MYBPC2: variants seen among roughly 807,000 people sequenced by gnomAD.
The protein encoded by MYBPC2 is myosin binding protein C2.
A neutral mutation model predicts 137.0 loss-of-function variants in MYBPC2; 122 were observed. That is an observed-to-expected ratio of 0.89 (90% CI 0.77 to 1.03). MYBPC2 has a LOEUF of 1.03. MYBPC2 is among the 50% of genes least tolerant of loss of function. The pLI, the probability that MYBPC2 is intolerant of heterozygous loss-of-function variation, is 0.00. For missense variants in MYBPC2, 1,500 were observed against 1,534.4 expected (o/e 0.98, Z 0.37); for synonymous variants, 626 against 612.3 (o/e 1.02, Z -0.33).
At chr19:50,442,027 C>T (rs1380950775) in intron 8 of MYBPC2, among the ~76,000 whole-genome samples, 154 bp from the exon 9 acceptor site, 1 of 152,136 alleles carries the variant, frequency 6.6e-6, no homozygotes, top group African/African-American at 2.4e-5. Flanking sequence ...CAGAGAAGTT[C>T]TCAAGGATCT....
intron 14 of MYBPC2, 110 bp from the exon 15 acceptor site, chr19:50,451,170 A>T: frequency 7.2e-7 from 1 of 1,385,516 alleles, no homozygotes; most frequent in Non-Finnish European, 1.0e-6. Context: ...CCAGCACCCC[A>T]GTTCCCAGGG....
At position 50,450,879 on chromosome 19, in the gene MYBPC2, A is replaced by T. The variant is rs1347369813; in HGVS notation, c.1523A>T (p.Tyr508Phe). 1.9e-6 allele frequency: 3 copies of T among 1,580,902 alleles called. No homozygotes were observed. Among genetic ancestry groups the T allele is most frequent in the Non-Finnish European group, 2.6e-6 (3 of 1,163,816 alleles). ...GTCCGCCCCGAGGATGAGGGAGACT[A>T]CACGTTTGTGCCTGACGGCTACGCC... ...DDVRPEDEGD[Y>F]TFVPDGYALS... is the part of the protein sequence containing the mutation. The change falls in exon 14 of 28, where the codon TAC becomes TTC. Residue 508 changes from tyrosine (Y) to phenylalanine (F), a missense_variant. By Grantham distance (22) the Tyr-to-Phe change is conservative. Transcript: ENST00000357701.
rs1465155124 is a variant in MYBPC2 at position 50,435,124 on chromosome 19, A to G, written c.20-37A>G. On this transcript the variant is annotated intron_variant, in intron 1 of 27. Transcript: ENST00000357701. This position sits in a 1 kb window ranked among gnomAD's most constrained non-coding sequence, Gnocchi z 4.8. The stretch of plus-strand genomic sequence containing the variant: ...CTGAGGGAGGGGCATGGGTGTGCAG[A>G]CCGCATGCTCAACTATGACTGTCCC... The G allele has an allele frequency of 7.5e-6, 6 of 795,710 alleles. No individual in the cohort carries two copies. The highest frequency in any genetic ancestry group is 1.4e-5 in the South Asian group (1 of 70,070). 49.3% of individuals were successfully genotyped at this position (795,710 alleles called of 1,614,324 possible).
At chr19:50,440,847 C>A in intron 7 of MYBPC2, 33 bp from the exon 8 acceptor site, 1 of 1,588,258 alleles carries the variant, frequency 6.3e-7, no homozygotes, top group Non-Finnish European at 8.6e-7. Context: ...TCCTCACTCC[C>A]TGATGGCCCC....
intron 11 of MYBPC2, 148 bp from the exon 12 acceptor site, chr19:50,445,732 C>A: frequency 1.3e-6 from 1 of 781,358 alleles, no homozygotes; most frequent in Non-Finnish European, 2.0e-6. Context: ...CCGTCCACCA[C>A]TCAAGATGCC....
chr19:50,451,956 A>G lies in MYBPC2; in HGVS notation c.1702A>G (p.Ile568Val), dbSNP rs2039862896. 2 of 1,558,994 alleles carry G rather than the reference A, an allele frequency of 1.3e-6. No individual in the cohort carries two copies. Among genetic ancestry groups the G allele is most frequent in the Non-Finnish European group, 1.7e-6 (2 of 1,150,968 alleles). Reference protein sequence around the residue: ...AGNKLRLDVSITGEPPPVATW... With the variant: ...AGNKLRLDVSVTGEPPPVATW... ...AAACAAGCTGAGGCTTGACGTGTCCATCACAGGGGAGCCCCCTCCCGTCGC... is the reference window on the plus strand; with the variant it reads ...AAACAAGCTGAGGCTTGACGTGTCCGTCACAGGGGAGCCCCCTCCCGTCGC... Residue 568 changes from isoleucine (I) to valine (V), a missense_variant, in exon 16 of 28, where the codon ATC becomes GTC. Physicochemically the swap from Ile to Val is conservative, Grantham distance 29 (BLOSUM62 3). Coordinates refer to ENST00000357701, the MANE Select transcript of MYBPC2 (RefSeq NM_004533.4).
At chr19:50,463,335 A>C (rs2463246) in intron 26 of MYBPC2, among the ~76,000 whole-genome samples, 12,997 of 152,120 alleles carry the variant, frequency 0.085, 1,402 homozygotes, top group African/African-American at 0.25. Flanking sequence ...GCTGTAGGTT[A>C]TTCGCTTCAG....
chr19:50,436,320 G>A (rs569980128), intron 4 of MYBPC2, among the ~76,000 whole-genome samples, 160 bp downstream of exon 4: 10 of 152,324 alleles, frequency 6.6e-5, no homozygotes, highest in African/African-American at 2.4e-4. Flanking sequence ...GCTGGGGAGA[G>A]GTTGTGTGAA....
intron 20 of MYBPC2, among the ~76,000 whole-genome samples, chr19:50,458,077 C>T (rs914735921): frequency 2.0e-4 from 31 of 151,332 alleles, no homozygotes; most frequent in Admixed American, 4.6e-4. Context: ...TTTGGGAGGC[C>T]GAGGTGGGCG....
intron 5 of MYBPC2, 73 bp downstream of exon 5, chr19:50,436,807 T>A: frequency 7.0e-7 from 1 of 1,421,044 alleles, no homozygotes; most frequent in Non-Finnish European, 9.9e-7. Context: ...CAGCCAGGTG[T>A]TGGGAGAGTG....
Position 50,446,056 on chromosome 19 carries a change from T to A in MYBPC2, c.1306+4T>A, listed in dbSNP as rs1327686067. ...GAGGCCGAGCTGATTGTGGAAGGTA[T>A]GGGGCCTCCAGGTAGGGCACGGGCT... is the stretch of plus-strand genomic sequence containing the variant. On this transcript the variant is annotated splice_donor_region_variant and intron_variant, in intron 12 of 27. Transcript: ENST00000357701. The A allele has an allele frequency of 1.9e-6, 3 of 1,611,928 alleles. No individual in the cohort carries two copies. The highest frequency in any genetic ancestry group is 1.3e-5 in the African/African-American group (1 of 74,888).
At chr19:50,458,556 C>A (rs764521561) in intron 20 of MYBPC2, 31 bp from the exon 21 acceptor site, 1 of 1,604,682 alleles carries the variant, frequency 6.2e-7, no homozygotes, top group Non-Finnish European at 8.5e-7. Flanking sequence ...GAGGAGGGCA[C>A]GAGATCCGCC....
At chr19:50,451,422 C>G in intron 15 of MYBPC2, 113 bp downstream of exon 15, 1 of 408,062 alleles carries the variant, frequency 2.5e-6, no homozygotes, top group Non-Finnish European at 3.8e-6. Context: ...GGGCGGGGTG[C>G]GGGAGGATGA....
Position 50,462,015 on chromosome 19 carries a change from T to C in MYBPC2, c.3207T>C (p.Cys1069=), listed in dbSNP as rs25668. The C allele has an allele frequency of 0.69, 1,079,856 of 1,571,318 alleles. 374,617 individuals are homozygous for C. Among genetic ancestry groups the C allele is most frequent in the African/African-American group, 0.92 (68,276 of 73,982 alleles). ...VVAGYSAALN[C]AVRGHPKPKV... ...CTGGGTACTCGGCAGCCCTCAACTG[T>C]GCTGTCAGAGGCCACCCGAAGGTGC... Residue 1069 remains cysteine, a synonymous_variant, in exon 26 of 28, where the codon TGT becomes TGC. Coordinates refer to ENST00000357701, the MANE Select transcript of MYBPC2 (RefSeq NM_004533.4).
In MYBPC2 at chr19:50,436,028, C is replaced by G. The variant is rs373047872; in HGVS notation, c.213C>G (p.Val71=). 6.3e-7 allele frequency: 1 copy of G among 1,581,652 alleles called. No individual in the cohort carries two copies. The highest frequency in any genetic ancestry group is 8.6e-7 in the Non-Finnish European group (1 of 1,163,692). ...VSVETGKDAV[V]VAKVNGKELP... is the part of the protein sequence containing the mutation. ...CCCATGTAGGGAAGGACGCAGTGGT[C>G]GTGGCCAAGGTGAACGGGAAGGAGC... The change falls in exon 4 of 28, where the codon GTC becomes GTG. Residue 71 remains valine (V), a synonymous_variant. Transcript: ENST00000357701.
intron 16 of MYBPC2, among the ~76,000 whole-genome samples, chr19:50,452,618 C>T (rs371703455): frequency 4.6e-5 from 7 of 151,834 alleles, no homozygotes; most frequent in African/African-American, 1.5e-4. Context: ...AGTGCAGTGG[C>T]GTAGTCTTGG....
chr19:50,461,993 G>T lies in MYBPC2; in HGVS notation c.3185G>T (p.Gly1062Val). 1 of 1,574,892 alleles carries T rather than the reference G, an allele frequency of 6.3e-7. No homozygotes were observed. Among genetic ancestry groups the T allele is most frequent in the African/African-American group, 1.3e-5 (1 of 74,094 alleles). The change falls in exon 26 of 28, where the codon GGG becomes GTG. Residue 1062 changes from glycine (G) to valine (V), a missense_variant. By Grantham distance (109) the Gly-to-Val change is moderately radical. Coordinates refer to ENST00000357701, the MANE Select transcript of MYBPC2 (RefSeq NM_004533.4). ...TPLIDRVVVA[G>V]YSAALNCAVR... ...CTCATAGACCGCGTGGTCGTGGCTG[G>T]GTACTCGGCAGCCCTCAACTGTGCT...
chr19:50,446,530 A>G (rs1393504979), intron 12 of MYBPC2, among the ~76,000 whole-genome samples: 1 of 142,712 alleles, frequency 7.0e-6, no homozygotes, highest in Non-Finnish European at 1.5e-5. Context: ...AAACAAAAAC[A>G]AAAACAAACC....
At position 50,465,360 on chromosome 19, in the gene MYBPC2, C is replaced by T. The variant is rs769958481; in HGVS notation, c.3415+828C>T. 1.3e-5 allele frequency among the ~76,000 whole-genome samples: 2 copies of T among 152,218 alleles called. No homozygotes were observed. The highest frequency in any genetic ancestry group is 1.5e-5 in the Non-Finnish European group (1 of 68,042). On this transcript the variant is annotated intron_variant, in intron 27 of 27. Coordinates refer to ENST00000357701, the MANE Select transcript of MYBPC2 (RefSeq NM_004533.4). The surrounding 1 kb of genome is among the most constrained non-coding windows in gnomAD (Gnocchi z 4.5). Reference sequence around the variant, plus strand: ...TCCCCCGCTCCTTTACCCTGGGCTCCGGCCCATCAGATGTCTGCCAGTCAA... The same window carrying T: ...TCCCCCGCTCCTTTACCCTGGGCTCTGGCCCATCAGATGTCTGCCAGTCAA...
Sources: allele counts gnomAD v4.1 joint callset (sites outside exome capture counted in the v4.1 genomes callset), GRCh38; gene constraint gnomAD v4.1.1; non-coding constraint Gnocchi (gnomAD v3.1); transcripts MANE v1.5; gene names NCBI Gene and HGNC (gene_info 2026-07-23, HGNC 2026-07-21).